PDE4D: variants seen among roughly 807,000 people sequenced by gnomAD.
PDE4D encodes phosphodiesterase 4D.
In PDE4D, 24 loss-of-function variants were observed where a neutral mutation model predicts 87.4. The ratio of observed to expected loss-of-function variants is 0.27; its 90% CI spans 0.20 to 0.39. The LOEUF (loss-of-function observed/expected upper bound fraction) is 0.39, where lower values mean the gene tolerates loss of function less well. PDE4D is among the 10% of genes least tolerant of loss of function. PDE4D has a pLI of 1.00. For synonymous variants in PDE4D, 384 were observed against 383.2 expected, an observed-to-expected ratio of 1.00 and a Z score of -0.02; for missense variants, 714 against 1,041.0, an observed-to-expected ratio of 0.69 and a Z score of 4.32.
In PDE4D at chr5:59,215,839, G is replaced by A. The variant is rs776474387; in HGVS notation, c.585C>T (p.Ser195=). The change falls in exon 2 of 15, where the codon TCC becomes TCT. Residue 195 remains serine, a synonymous_variant. Transcript: ENST00000340635. ...SQRRESFLYR[S]DSDYDLSPKS... ...TTGGAGAGAGGTCATAATCGCTGTC[G>A]GATCGATACAGGAAGGACTCCCGTC... The A allele has an allele frequency of 4.9e-5, 79 of 1,613,502 alleles. No individual in the cohort carries two copies. In the East Asian group the frequency reaches 1.5e-3, roughly 31 times the overall value.
intron 5 of PDE4D, among the ~76,000 whole-genome samples, chr5:59,097,575 G>GA (rs1481519681): frequency 6.6e-6 from 1 of 151,980 alleles, no homozygotes; most frequent in Non-Finnish European, 1.5e-5. Flanking sequence ...AAGCAAAACT[G>GA]AAAAAAGAAT....
intron 1 of PDE4D, among the ~76,000 whole-genome samples, chr5:60,441,484 C>A (rs1168134716): frequency 6.6e-6 from 1 of 152,084 alleles, no homozygotes; most frequent in Non-Finnish European, 1.5e-5. Flanking sequence ...CATAAAAAGC[C>A]TAGAAGAAAA....
chr5:59,428,583 T>C (rs910783341), intron 1 of PDE4D, among the ~76,000 whole-genome samples: 4 of 152,210 alleles, frequency 2.6e-5, no homozygotes, highest in African/African-American at 4.8e-5. Flanking sequence ...AGGTAGATTT[T>C]AGTGAATCTA....
At chr5:59,426,718 C>A (rs1464769863) in intron 1 of PDE4D, among the ~76,000 whole-genome samples, 4 of 152,114 alleles carry the variant, frequency 2.6e-5, no homozygotes, top group Admixed American at 2.6e-4. Context: ...CACTTGCTTT[C>A]CATTGCCTTG....
At chr5:59,885,218 T>C (rs1482673181) in intron 1 of PDE4D, among the ~76,000 whole-genome samples, 1 of 152,132 alleles carries the variant, frequency 6.6e-6, no homozygotes, top group African/African-American at 2.4e-5. Flanking sequence ...ATCATGCTGT[T>C]TGAATTAATA....
chr5:59,710,488 AATTTC>A (rs1754054398), intron 1 of PDE4D, among the ~76,000 whole-genome samples: 1 of 152,170 alleles, frequency 6.6e-6, no homozygotes. Context: ...AATCCCTTAA[AATTTC>A]ATTTGTAAAA....
chr5:59,245,638 A>G (rs1663601810), intron 1 of PDE4D, among the ~76,000 whole-genome samples: 1 of 152,168 alleles, frequency 6.6e-6, no homozygotes, highest in South Asian at 2.1e-4. Flanking sequence ...AACTTTACTT[A>G]TAATTGAGTG....
chr5:59,614,080 CATATATT>C (rs1829354279), intron 1 of PDE4D, among the ~76,000 whole-genome samples: 1 of 151,990 alleles, frequency 6.6e-6, no homozygotes, highest in Non-Finnish European at 1.5e-5. Flanking sequence ...CACATATTCC[CATATATT>C]ATATAAGTTG....
chr5:59,740,080 T>C (rs1758621539), intron 1 of PDE4D, among the ~76,000 whole-genome samples: 1 of 152,176 alleles, frequency 6.6e-6, no homozygotes, highest in African/African-American at 2.4e-5. Flanking sequence ...AAGTTCCATA[T>C]GAGTTATTTA....
chr5:60,280,313 CAT>C (rs202013022), intron 1 of PDE4D, among the ~76,000 whole-genome samples: 10 of 121,746 alleles, frequency 8.2e-5, no homozygotes, highest in Non-Finnish European at 1.3e-4. Flanking sequence ...TATATACATA[CAT>C]ATATATATAT....
At chr5:60,032,553 A>G (rs1767352961) in intron 2 of PDE4D, among the ~76,000 whole-genome samples, 1 of 152,166 alleles carries the variant, frequency 6.6e-6, no homozygotes, top group African/African-American at 2.4e-5. Flanking sequence ...CGTAAAGCAC[A>G]TTGTGAGCTT....
intron 2 of PDE4D, among the ~76,000 whole-genome samples, chr5:60,069,813 A>G (rs1386773676): frequency 1.3e-5 from 2 of 152,080 alleles, no homozygotes; most frequent in Non-Finnish European, 2.9e-5. Context: ...CTAGTTCATG[A>G]ACATTCAATG....
chr5:59,670,692 C>T (rs1747049885), intron 1 of PDE4D, among the ~76,000 whole-genome samples: 1 of 152,028 alleles, frequency 6.6e-6, no homozygotes, highest in South Asian at 2.1e-4. Context: ...ATATGTTAAA[C>T]ATATACTAAT....
intron 5 of PDE4D, among the ~76,000 whole-genome samples, chr5:59,154,844 C>A (rs1397107698): frequency 6.6e-6 from 1 of 152,146 alleles, no homozygotes; most frequent in Non-Finnish European, 1.5e-5. Flanking sequence ...TTAAATCTTG[C>A]CACTGCACTC....
At chr5:59,852,167 G>A (rs1329886397) in intron 1 of PDE4D, among the ~76,000 whole-genome samples, 1 of 151,918 alleles carries the variant, frequency 6.6e-6, no homozygotes, top group Non-Finnish European at 1.5e-5. Context: ...AAATCACTGA[G>A]GGCCAGAAAG....
intron 3 of PDE4D, among the ~76,000 whole-genome samples, chr5:59,907,251 A>G (rs1277032879): frequency 1.3e-5 from 2 of 152,080 alleles, no homozygotes; most frequent in African/African-American, 2.4e-5. Context: ...TTTGATTTGC[A>G]TTTCTCTAAT....
intron 1 of PDE4D, among the ~76,000 whole-genome samples, chr5:60,242,632 T>A (rs541755120): frequency 1.3e-5 from 2 of 152,004 alleles, no homozygotes; most frequent in East Asian, 3.9e-4. Context: ...ATATCAACTA[T>A]CTCCTCCAAC....
intron 5 of PDE4D, among the ~76,000 whole-genome samples, chr5:59,074,230 AGAT>A (rs1280293164): frequency 6.6e-6 from 1 of 152,200 alleles, no homozygotes; most frequent in Admixed American, 6.5e-5. Flanking sequence ...AATTCTGGAA[AGAT>A]GATAATACAG....
intron 1 of PDE4D, among the ~76,000 whole-genome samples, chr5:59,361,579 G>T (rs921082534): frequency 2.6e-4 from 39 of 152,278 alleles, no homozygotes; most frequent in African/African-American, 9.4e-4. Context: ...TCCTCCGGAA[G>T]TCTTCCCTGC....
Sources: gnomAD v4.1 joint callset for allele counts (sites outside exome capture counted in the v4.1 genomes callset) on GRCh38, gnomAD v4.1.1 for gene constraint, MANE v1.5 for transcripts, NCBI Gene and HGNC (gene_info 2026-07-23, HGNC 2026-07-21) for gene names.